RSRC1: variants seen among roughly 807,000 people sequenced by gnomAD.
The protein encoded by RSRC1 is serine/Arginine-related protein 53.
A neutral mutation model predicts 49.1 loss-of-function variants in RSRC1; 39 were observed. The observed-to-expected ratio is 0.79, with a 90% CI of 0.61 to 1.04. The LOEUF is 1.04. Among genes scored for constraint, RSRC1 ranks in the 50% least tolerant of loss-of-function variants. RSRC1 has a pLI of 0.00. For synonymous variants in RSRC1, 143 were observed against 130.8 expected (o/e 1.09, Z -0.63); for missense variants, 388 against 402.4 (o/e 0.96, Z 0.31).
intron 7 of RSRC1, among the ~76,000 whole-genome samples, chr3:158,479,987 C>G (rs545209751): frequency 6.6e-6 from 1 of 152,032 alleles, no homozygotes; most frequent in South Asian, 2.1e-4. Flanking sequence ...TCAAGAGTAA[C>G]CATTTAGCAC....
chr3:158,191,726 ATACT>A (rs1483966432), intron 3 of RSRC1, among the ~76,000 whole-genome samples: 1 of 150,956 alleles, frequency 6.6e-6, no homozygotes, highest in Admixed American at 6.6e-5. Flanking sequence ...TATCAGAAAT[ATACT>A]TATTTAAGGA....
chr3:158,173,509 A>G (rs1719005446), intron 3 of RSRC1, among the ~76,000 whole-genome samples: 1 of 151,984 alleles, frequency 6.6e-6, no homozygotes, highest in Non-Finnish European at 1.5e-5. Flanking sequence ...CAGATTTTAC[A>G]TATTTATGTA....
chr3:158,282,921 G>C (rs1211093681), intron 4 of RSRC1, among the ~76,000 whole-genome samples: 1 of 152,120 alleles, frequency 6.6e-6, no homozygotes, highest in East Asian at 1.9e-4. Context: ...GAGGACTTTT[G>C]GTGGTTAGTG....
At chr3:158,345,011 G>A (rs1284688065) in intron 5 of RSRC1, among the ~76,000 whole-genome samples, 1 of 152,010 alleles carries the variant, frequency 6.6e-6, no homozygotes, top group South Asian at 2.1e-4. Context: ...CTGAGGTCGG[G>A]AGTTTGAGAC....
chr3:158,397,880 A>G (rs916726781), intron 6 of RSRC1, among the ~76,000 whole-genome samples: 3 of 152,082 alleles, frequency 2.0e-5, no homozygotes, highest in Non-Finnish European at 4.4e-5. Flanking sequence ...AGAGATAGAA[A>G]AGTTAGGTTA....
rs575986908 is a variant in RSRC1 at position 158,228,843 on chromosome 3, A to G, written c.494+25598A>G. ...TAGACACACGTGTGTATATATGTATATAAACACACATACGTGTATATATGT... is the reference window on the plus strand; with the variant it reads ...TAGACACACGTGTGTATATATGTATGTAAACACACATACGTGTATATATGT... On this transcript the variant is annotated intron_variant, in intron 4 of 9. Transcript: ENST00000611884. Among the ~76,000 whole-genome samples the G allele has an allele frequency of 3.4e-5, 5 of 146,022 alleles. No individual in the cohort carries two copies. The South Asian group carries it at 1.1e-3, about 33-fold the overall frequency.
intron 7 of RSRC1, among the ~76,000 whole-genome samples, chr3:158,528,930 G>GT (rs776593013): frequency 3.3e-5 from 5 of 151,786 alleles, no homozygotes; most frequent in Non-Finnish European, 1.5e-5. Flanking sequence ...AACCATTCTT[G>GT]TTTTTTGTAA....
chr3:158,511,155 T>G (rs1047469706), intron 7 of RSRC1, among the ~76,000 whole-genome samples: 3 of 152,128 alleles, frequency 2.0e-5, no homozygotes, highest in African/African-American at 7.2e-5. Context: ...GTGCACAATG[T>G]GCAGGTTAGT....
chr3:158,330,183 G>A (rs1729463221), intron 5 of RSRC1, among the ~76,000 whole-genome samples: 1 of 152,198 alleles, frequency 6.6e-6, no homozygotes, highest in Non-Finnish European at 1.5e-5. Context: ...TGCACTTCCT[G>A]GATGAGGCGA....
chr3:158,396,635 A>G (rs1369646264), intron 6 of RSRC1, among the ~76,000 whole-genome samples: 1 of 152,090 alleles, frequency 6.6e-6, no homozygotes, highest in African/African-American at 2.4e-5. Context: ...GGCAAGACAT[A>G]CAAGAATTCT....
At chr3:158,474,386 C>T (rs995003271) in intron 7 of RSRC1, among the ~76,000 whole-genome samples, 2 of 152,116 alleles carry the variant, frequency 1.3e-5, no homozygotes, top group South Asian at 2.1e-4. Flanking sequence ...AAAATGCAAA[C>T]GATCATCTGA....
intron 3 of RSRC1, among the ~76,000 whole-genome samples, chr3:158,202,657 A>G (rs1721126026): frequency 6.7e-6 from 1 of 149,120 alleles, no homozygotes; most frequent in South Asian, 2.1e-4. Flanking sequence ...AATACAAAGA[A>G]TAGCTGGATT....
At chr3:158,287,786 A>T (rs1277417435) in intron 4 of RSRC1, among the ~76,000 whole-genome samples, 1 of 152,224 alleles carries the variant, frequency 6.6e-6, no homozygotes, top group Non-Finnish European at 1.5e-5. Flanking sequence ...AAAAACAAGG[A>T]CATATTGAAG....
chr3:158,289,178 G>A (rs995807583), intron 4 of RSRC1, among the ~76,000 whole-genome samples: 1 of 152,000 alleles, frequency 6.6e-6, no homozygotes, highest in Non-Finnish European at 1.5e-5. Context: ...ATCTACTGAT[G>A]ACAAAATTTT....
intron 6 of RSRC1, among the ~76,000 whole-genome samples, chr3:158,359,832 T>G (rs1182723234): frequency 6.6e-6 from 1 of 152,100 alleles, no homozygotes; most frequent in Non-Finnish European, 1.5e-5. Context: ...CCAGGAAGAA[T>G]AAGGTACACA....
chr3:158,450,632 A>G (rs1272233817), intron 6 of RSRC1, among the ~76,000 whole-genome samples: 1 of 151,868 alleles, frequency 6.6e-6, no homozygotes, highest in Non-Finnish European at 1.5e-5. Flanking sequence ...TATTATGACC[A>G]TAGTTTTATA....
At chr3:158,367,891 CT>C (rs1731862691) in intron 6 of RSRC1, among the ~76,000 whole-genome samples, 1 of 151,842 alleles carries the variant, frequency 6.6e-6, no homozygotes, top group South Asian at 2.1e-4. Flanking sequence ...TGGTTTTTAG[CT>C]TTTTGTTAAT....
chr3:158,212,754 G>T (rs141140327), intron 4 of RSRC1, among the ~76,000 whole-genome samples: 1 of 152,028 alleles, frequency 6.6e-6, no homozygotes, highest in East Asian at 1.9e-4. Context: ...AACTTGGAGT[G>T]CCAGTCAAGT....
chr3:158,181,693 GGA>G (rs1281687840), intron 3 of RSRC1, among the ~76,000 whole-genome samples: 1 of 152,062 alleles, frequency 6.6e-6, no homozygotes, highest in Non-Finnish European at 1.5e-5. Flanking sequence ...GTTGGGAAGA[GGA>G]GAAAATGACA....
Sources: gnomAD v4.1 joint callset for allele counts (sites outside exome capture counted in the v4.1 genomes callset) on GRCh38, gnomAD v4.1.1 for gene constraint, MANE v1.5 for transcripts, NCBI Gene and HGNC (gene_info 2026-07-23, HGNC 2026-07-21) for gene names.